NRDE2: variants seen among roughly 807,000 people sequenced by gnomAD.
NRDE2 encodes the protein NRDE-2, necessary for RNA interference, domain containing.
NRDE2 carries 76 observed loss-of-function variants against 124.2 expected under a neutral mutation model. The ratio of observed to expected loss-of-function variants is 0.61; its 90% CI spans 0.51 to 0.74. The LOEUF is 0.74. Ranked by LOEUF, NRDE2 falls within the 30% of genes least tolerant of loss-of-function variation. The pLI is 0.00. For missense variants in NRDE2, 1,314 were observed against 1,417.3 expected, an observed-to-expected ratio of 0.93 and a Z score of 1.17; for synonymous variants, 489 against 528.1, an observed-to-expected ratio of 0.93 and a Z score of 1.01.
At chr14:90,303,723 G>A (rs1041418188) in intron 5 of NRDE2, among the ~76,000 whole-genome samples, 26 of 152,086 alleles carry the variant, frequency 1.7e-4, no homozygotes, top group African/African-American at 6.3e-4. Flanking sequence ...ATACATTACA[G>A]CATTTACTAC....
At position 90,290,309 on chromosome 14, in the gene NRDE2, C is replaced by T. The variant is rs771864754; in HGVS notation, c.2141G>A (p.Arg714His). 105 of 1,613,970 alleles carry T rather than the reference C, an allele frequency of 6.5e-5. No homozygotes were observed. The highest frequency in any genetic ancestry group is 3.3e-4 in the Middle Eastern group (2 of 6,082). The change falls in exon 10 of 14, where the codon CGC becomes CAC. Residue 714 changes from arginine (R) to histidine (H), a missense_variant. Transcript: ENST00000354366. ...AGGCATGACAAGGTGGAAGACATTGCGGATGAACTCCTCGCCCTCTCGGTT... is the reference window on the plus strand; with the variant it reads ...AGGCATGACAAGGTGGAAGACATTGTGGATGAACTCCTCGCCCTCTCGGTT... The part of the protein sequence containing the change: ...GQNREGEEFI[R>H]NVFHLVMPLF...
chr14:90,286,230 G>A, intron 12 of NRDE2, 124 bp downstream of exon 12: 2 of 1,058,844 alleles, frequency 1.9e-6, no homozygotes, highest in Non-Finnish European at 2.7e-6. Context: ...AAGAAGATGA[G>A]AGTGAAATAT....
chr14:90,317,761 CA>C (rs1205349375), intron 2 of NRDE2: 1 of 366,044 alleles, frequency 2.7e-6, no homozygotes, highest in Non-Finnish European at 4.9e-6. Context: ...TCGAGAATCA[CA>C]ATGATGCCAT....
At chr14:90,279,199 G>C (rs536082982) in intron 12 of NRDE2, 66 bp from the exon 13 acceptor site, 7 of 1,240,302 alleles carry the variant, frequency 5.6e-6, no homozygotes, top group Non-Finnish European at 5.9e-6. Context: ...CTACACAAAC[G>C]CCCCTGGATG....
chr14:90,272,301 C>T lies in NRDE2; in HGVS notation c.*6035G>A. 2 of 1,604,052 alleles carry T rather than the reference C, an allele frequency of 1.2e-6. No individual in the cohort carries two copies. Among genetic ancestry groups the T allele is most frequent in the Non-Finnish European group, 1.7e-6 (2 of 1,178,142 alleles). On this transcript the variant is annotated 3_prime_UTR_variant, in exon 14 of 14. Transcript: ENST00000354366. This position sits in a 1 kb window ranked among gnomAD's most constrained non-coding sequence, Gnocchi z 4.5. ...ATCTGTACAGAAGCTGGTCTGATGG[C>T]CTTAAGAGAACGTAGAATGAAAGTA...
At chr14:90,324,673 CAA>C (rs35515329) in intron 1 of NRDE2, among the ~76,000 whole-genome samples, 30 of 65,958 alleles carry the variant, frequency 4.5e-4, no homozygotes, top group African/African-American at 3.0e-4. Context: ...GCTCCGTCTC[CAA>C]AAAAAAAAAA....
chr14:90,297,940 CAA>C (rs58242184), intron 8 of NRDE2, among the ~76,000 whole-genome samples: 247 of 96,478 alleles, frequency 2.6e-3, no homozygotes, highest in Middle Eastern at 0.014. Context: ...GATTCTGTCT[CAA>C]AAAAAAAAAA....
At chr14:90,302,602 G>C (rs56015111) in intron 6 of NRDE2, 118 bp downstream of exon 6, 1 of 1,147,882 alleles carries the variant, frequency 8.7e-7, no homozygotes, top group South Asian at 1.8e-5. Flanking sequence ...AAAAAAATCA[G>C]TTCTATCAAA....
intron 4 of NRDE2, 73 bp from the exon 5 acceptor site, chr14:90,304,455 G>C: frequency 4.1e-5 from 46 of 1,135,250 alleles, no homozygotes; most frequent in Non-Finnish European, 5.7e-5. Flanking sequence ...AGGCGCATTA[G>C]ACCTAAACTC....
chr14:90,302,809 T>A lies in NRDE2; in HGVS notation c.1322A>T (p.Tyr441Phe), dbSNP rs1884452848. 6.2e-7 allele frequency: 1 copy of A among 1,614,158 alleles called. No individual in the cohort carries two copies. The highest frequency in any genetic ancestry group is 1.1e-5 in the South Asian group (1 of 91,084). ...AGACAAAGTGCTCAAGCATTTTCCA[T>A]AAAGACTGTGAATTTTTGATATCGA... ...TFSISKIHSL[Y>F]GKCLSTLSAV... is the part of the protein sequence containing the mutation. The change falls in exon 6 of 14, where the codon TAT becomes TTT. Residue 441 changes from tyrosine to phenylalanine, a missense_variant. By Grantham distance (22) the Tyr-to-Phe change is conservative (BLOSUM62 3). Coordinates refer to ENST00000354366, the MANE Select transcript of NRDE2 (RefSeq NM_017970.4).
chr14:90,279,383 C>T (rs966140510), intron 12 of NRDE2: 8 of 431,372 alleles, frequency 1.9e-5, no homozygotes, highest in Non-Finnish European at 3.3e-5. Context: ...ACACTACTGA[C>T]TTTTTAAAGT....
chr14:90,302,468 T>C (rs868613491), intron 6 of NRDE2, among the ~76,000 whole-genome samples: 1 of 152,216 alleles, frequency 6.6e-6, no homozygotes, highest in Non-Finnish European at 1.5e-5. Flanking sequence ...GACTTGCCTA[T>C]GTTTACTTGG....
At chr14:90,279,178 A>G (rs1413833406) in intron 12 of NRDE2, 45 bp from the exon 13 acceptor site, 10 of 1,470,752 alleles carry the variant, frequency 6.8e-6, no homozygotes, top group East Asian at 2.3e-5. Flanking sequence ...GTTGACACAG[A>G]GAGGCTAAGG....
chr14:90,288,332 T>C lies in NRDE2; in HGVS notation c.3043A>G (p.Ser1015Gly). 1 of 1,614,230 alleles carries C rather than the reference T, an allele frequency of 6.2e-7. No homozygotes were observed. Among genetic ancestry groups the C allele is most frequent in the South Asian group, 1.1e-5 (1 of 91,090 alleles). The change falls in exon 11 of 14, where the codon AGC (serine) becomes GGC (glycine). Residue 1015 changes from serine (S) to glycine (G), a missense_variant. Coordinates refer to ENST00000354366, the MANE Select transcript of NRDE2 (RefSeq NM_017970.4). ...VQIQNKSHSA[S>G]KTRRFFDTIT... ...GTGTCAAAAAATCTCCTGGTTTTGC[T>C]GGCACTGTGGGACTTATTCTGAATC... is the stretch of plus-strand genomic sequence containing the variant.
chr14:90,286,639 T>C, intron 11 of NRDE2, 147 bp from the exon 12 acceptor site: 1 of 973,974 alleles, frequency 1.0e-6, no homozygotes, highest in Non-Finnish European at 1.5e-6. Flanking sequence ...TAGAGCGCTG[T>C]GTATGGGGCT....
intron 8 of NRDE2, among the ~76,000 whole-genome samples, chr14:90,293,591 C>T (rs1892333142): frequency 1.3e-5 from 2 of 152,158 alleles, no homozygotes; most frequent in African/African-American, 4.8e-5. Flanking sequence ...CCACATGTGG[C>T]TAGAGGTTAC....
chr14:90,296,081 T>C (rs1054830573), intron 8 of NRDE2, among the ~76,000 whole-genome samples: 2 of 152,244 alleles, frequency 1.3e-5, no homozygotes, highest in Non-Finnish European at 2.9e-5. Context: ...ATGAAAACTT[T>C]ATTGTCACAG....
intron 4 of NRDE2, among the ~76,000 whole-genome samples, chr14:90,305,618 T>A (rs1469973150): frequency 6.6e-6 from 1 of 152,250 alleles, no homozygotes; most frequent in Non-Finnish European, 1.5e-5. Flanking sequence ...AAGTGCCTTA[T>A]GGACGGATGA....
chr14:90,305,003 A>C (rs1011673641), intron 4 of NRDE2, among the ~76,000 whole-genome samples: 1 of 152,224 alleles, frequency 6.6e-6, no homozygotes, highest in African/African-American at 2.4e-5. Context: ...AGAGTTAACA[A>C]ACACATGACT....
Sources: gnomAD v4.1 joint callset for allele counts (sites outside exome capture counted in the v4.1 genomes callset) on GRCh38, gnomAD v4.1.1 for gene constraint, Gnocchi (gnomAD v3.1) non-coding constraint, MANE v1.5 for transcripts, NCBI Gene and HGNC (gene_info 2026-07-23, HGNC 2026-07-21) for gene names.